Variants in MUS81 observed in about 807,000 individuals in gnomAD.
MUS81 encodes the protein structure-specific endonuclease subunit MUS81.
In MUS81, 69 loss-of-function variants were observed where a neutral mutation model predicts 74.2. The ratio of observed to expected loss-of-function variants is 0.93; its 90% CI spans 0.77 to 1.14. The LOEUF (loss-of-function observed/expected upper bound fraction) is 1.14, where lower values mean the gene tolerates loss of function less well. MUS81 is among the 50% of genes most tolerant of loss of function. The pLI, the probability that MUS81 is intolerant of heterozygous loss-of-function variation, is 0.00. For synonymous variants in MUS81, 303 were observed against 300.6 expected (o/e 1.01, Z -0.08); for missense variants, 711 against 726.5 (o/e 0.98, Z 0.25).
downstream of MUS81, chr11:65,866,635 CGTT>C: frequency 1.4e-6 from 1 of 703,400 alleles, no homozygotes; most frequent in Non-Finnish European, 2.6e-6. Context: ...CCGCCCTCCT[CGTT>C]ACCTCCTCTC....
At chr11:65,867,090 G>A (rs768502421), downstream of MUS81, 10 of 1,613,986 alleles carry the variant, frequency 6.2e-6, no homozygotes, top group Non-Finnish European at 8.5e-6. Flanking sequence ...CTGCAGGGCA[G>A]TGGGTGGGGG....
At position 65,865,976 on chromosome 11, in the gene MUS81, C is replaced by T. The variant is rs1859818353; in HGVS notation, c.1590-10C>T. 15 of 1,613,888 alleles carry T rather than the reference C, an allele frequency of 9.3e-6. No homozygotes were observed. Among genetic ancestry groups the T allele is most frequent in the Non-Finnish European group, 1.3e-5 (15 of 1,179,936 alleles). On this transcript the variant is annotated splice_polypyrimidine_tract_variant and intron_variant, in intron 15 of 15. Transcript: ENST00000308110. ...CCAGGGCGTGACCCTCGCTGCCTCT[C>T]TTCCTGCAGGAATCTGGGGCCTGCT... is the stretch of plus-strand genomic sequence containing the variant.
rs763824406 is a variant in MUS81, at chr11:65,863,884, C to T, written c.1042C>T (p.Arg348Cys). ...CCTTTGCAGCAGCATCATCGACGGC[C>T]GCTTCCGGGAGCAGAAGGTAATTTT... The part of the protein sequence containing the change: ...DDLCSSIIDG[R>C]FREQKFRLKR... The change falls in exon 10 of 16, where the codon CGC (arginine) becomes TGC (cysteine). Residue 348 changes from arginine (R) to cysteine (C), a missense_variant. Arg to Cys is a radical substitution (Grantham distance 180). Transcript: ENST00000308110. 22 of 1,614,010 alleles carry T rather than the reference C, an allele frequency of 1.4e-5. No homozygotes were observed. Among genetic ancestry groups the T allele is most frequent in the South Asian group, 1.3e-4 (12 of 91,084 alleles).
chr11:65,867,358 T>C (rs1859871428), downstream of MUS81: 3 of 534,170 alleles, frequency 5.6e-6, no homozygotes, highest in Non-Finnish European at 6.8e-6. Flanking sequence ...ATGTGGCTCT[T>C]GGGACTGGTG....
rs758881631 is a variant in MUS81, at chr11:65,863,159, C to T, written c.700C>T (p.Pro234Ser). The change falls in exon 7 of 16, where the codon CCC becomes TCC. Residue 234 changes from proline (P) to serine (S), a missense_variant. Coordinates refer to ENST00000308110, the MANE Select transcript of MUS81 (RefSeq NM_025128.5). The stretch of plus-strand genomic sequence containing the variant: ...GAATGTGGGCATCGGGCCCAAGGAG[C>T]CCCCTGGGGAGGAGACAGCAGTGCC... Reference protein sequence around the residue: ...LLNVGIGPKEPPGEETAVPGA... With the variant: ...LLNVGIGPKESPGEETAVPGA... 1.9e-6 allele frequency: 3 copies of T among 1,613,784 alleles called. No individual in the cohort carries two copies. Among genetic ancestry groups the T allele is most frequent in the Admixed American group, 1.7e-5 (1 of 59,976 alleles).
At chr11:65,860,048 G>C (rs919038777), upstream of MUS81, 12 of 269,168 alleles carry the variant, frequency 4.5e-5, 1 homozygote, top group Admixed American at 2.3e-4. Context: ...GGGCCTTCTC[G>C]GCACGTCCCC....
chr11:65,867,563 T>C, downstream of MUS81: 1 of 487,018 alleles, frequency 2.1e-6, no homozygotes, highest in South Asian at 2.1e-5. Context: ...AGGAGTGGAC[T>C]TTCTGACCCC....
chr11:65,862,521 G>A lies in MUS81; in HGVS notation c.597G>A (p.Gln199=). ...LHRNLVLRTH[Q]PARYSLTPEG... ...GGAACCTGGTCCTCAGGACACACCA[G>A]CCAGCCAGGTGGGGCCAACTGCAGG... The change falls in exon 6 of 16, where the codon CAG becomes CAA. Residue 199 remains glutamine (Q), a synonymous_variant. Transcript: ENST00000308110. 3.1e-6 allele frequency: 5 copies of A among 1,613,558 alleles called. No individual in the cohort carries two copies. Among genetic ancestry groups the A allele is most frequent in the Non-Finnish European group, 4.2e-6 (5 of 1,179,900 alleles).
chr11:65,864,942 G>T, intron 12 of MUS81, 75 bp from the exon 13 acceptor site: 2 of 1,596,928 alleles, frequency 1.3e-6, no homozygotes, highest in Non-Finnish European at 8.5e-7. Context: ...GCCCCCCAAG[G>T]CTGAGGACTG....
chr11:65,863,039 G>C, intron 6 of MUS81, 26 bp from the exon 7 acceptor site: 1 of 1,613,674 alleles, frequency 6.2e-7, no homozygotes, highest in Non-Finnish European at 8.5e-7. Context: ...AGAAGGTAGA[G>C]CTGTGTTGTC....
chr11:65,863,286 C>T (rs2134731655), intron 7 of MUS81, 81 bp downstream of exon 7: 2 of 1,578,034 alleles, frequency 1.3e-6, no homozygotes, highest in Non-Finnish European at 1.7e-6. Flanking sequence ...CAACCCATCA[C>T]CTGCAGCTGA....
chr11:65,866,228 T>C lies in MUS81; in HGVS notation c.*176T>C. On this transcript the variant is annotated 3_prime_UTR_variant, in exon 16 of 16. Transcript: ENST00000308110. ...AAATACGCAGGAACCAGGGATACCATCTGGTCCAGTGGTTTTTAAACAAAG... is the reference window on the plus strand; with the variant it reads ...AAATACGCAGGAACCAGGGATACCACCTGGTCCAGTGGTTTTTAAACAAAG... The C allele has an allele frequency of 1.5e-6, 1 of 647,850 alleles. No individual in the cohort carries two copies. The highest frequency in any genetic ancestry group is 2.6e-6 in the Non-Finnish European group (1 of 379,844). The allele number at this position is 647,850 out of a possible 1,614,324, so 40.1% of individuals were successfully genotyped here.
downstream of MUS81, chr11:65,867,361 G>T: frequency 1.9e-6 from 1 of 535,496 alleles, no homozygotes; most frequent in Non-Finnish European, 3.4e-6. Context: ...TGGCTCTTGG[G>T]ACTGGTGGGA....
intron 7 of MUS81, 101 bp downstream of exon 7, chr11:65,863,306 G>A (rs1859684948): frequency 1.3e-6 from 2 of 1,581,570 alleles, no homozygotes; most frequent in Non-Finnish European, 1.7e-6. Flanking sequence ...AACTGTGGCT[G>A]CCTCCCTACT....
At chr11:65,866,666 G>A, downstream of MUS81, 1 of 704,336 alleles carries the variant, frequency 1.4e-6, no homozygotes, top group East Asian at 2.7e-5. Flanking sequence ...GGTGACTGAA[G>A]CTCGTGGTGC....
intron 6 of MUS81, 83 bp downstream of exon 6, chr11:65,862,612 T>G: frequency 7.7e-7 from 1 of 1,292,416 alleles, no homozygotes; most frequent in Non-Finnish European, 1.1e-6. Flanking sequence ...CTCCCAGAGC[T>G]GATGCTGTTG....
At chr11:65,860,164 C>G (rs1274048518), upstream of MUS81, 2 of 438,624 alleles carry the variant, frequency 4.6e-6, no homozygotes, top group Non-Finnish European at 9.4e-6. Flanking sequence ...GTGTCCTCAT[C>G]CCCGGCACCC....
chr11:65,865,653 G>A, intron 14 of MUS81, 158 bp from the exon 15 acceptor site: 2 of 766,658 alleles, frequency 2.6e-6, no homozygotes, highest in African/African-American at 3.5e-5. Context: ...AGGGAGGGAG[G>A]ACAGCCCGGC....
Position 65,863,203 on chromosome 11 carries a change from G to A in MUS81, c.744G>A (p.Glu248=). The change falls in exon 7 of 16, where the codon GAG becomes GAA. Residue 248 remains glutamate (E), a splice_region_variant and synonymous_variant. Transcript: ENST00000308110. The part of the protein sequence containing the change: ...ETAVPGAASA[E]LASEAGVQQQ... ...CAGTGCCAGGAGCAGCTTCAGCAGA[G>A]CTGTGAGGAGGAGGGCAGAGGAGTG... 1 of 1,612,434 alleles carries A rather than the reference G, an allele frequency of 6.2e-7. No homozygotes were observed. Among genetic ancestry groups the A allele is most frequent in the Non-Finnish European group, 8.5e-7 (1 of 1,179,304 alleles).
Sources: gnomAD v4.1 joint callset for allele counts on GRCh38, gnomAD v4.1.1 for gene constraint, MANE v1.5 for transcripts, NCBI Gene and HGNC (gene_info 2026-07-23, HGNC 2026-07-21) for gene names.